SMU1: variants seen among roughly 807,000 people sequenced by gnomAD.
SMU1 encodes WD40 repeat-containing protein SMU1.
SMU1 carries 2 observed loss-of-function variants against 62.0 expected under a neutral mutation model. The ratio of observed to expected loss-of-function variants is 0.03; its 90% confidence interval spans 0.01 to 0.10. The LOEUF (loss-of-function observed/expected upper bound fraction) is 0.10. SMU1 is among the 10% of genes least tolerant of loss of function. The pLI, the probability that SMU1 is intolerant of heterozygous loss-of-function variation, is 1.00. For synonymous variants in SMU1, 188 were observed against 212.4 expected (o/e 0.89, Z 1.00); for missense variants, 227 against 622.1 (o/e 0.36, Z 6.76).
intron 3 of SMU1, among the ~76,000 whole-genome samples, chr9:33,069,703 G>C (rs7467224): frequency 0.19 from 29,480 of 152,208 alleles, 3,107 homozygotes; most frequent in Middle Eastern, 0.29. Context: ...TCGGGAGGCT[G>C]AGGCAGGAGA....
rs1448842802 is a variant in SMU1, at chr9:33,042,679, T to C, written c.*4614A>G. The C allele has an allele frequency of 6.6e-6, 1 of 152,204 alleles. No individual in the cohort carries two copies. The highest frequency in any genetic ancestry group is 1.9e-4 in the East Asian group (1 of 5,202). The allele number at this position is 152,204 out of a possible 1,614,324, so 9.4% of individuals were successfully genotyped here. ...AGGGATTCTGTATAACTCGGCTGGG[T>C]GTAGCCTAAGCATCAAAATGATTAT... On this transcript the variant is annotated 3_prime_UTR_variant, in exon 12 of 12. Transcript: ENST00000397149.
chr9:33,069,902 G>C (rs1839467961), intron 3 of SMU1, among the ~76,000 whole-genome samples: 1 of 152,170 alleles, frequency 6.6e-6, no homozygotes, highest in Non-Finnish European at 1.5e-5. Flanking sequence ...GAGGCGGGTG[G>C]ACTGCTTGAG....
intron 3 of SMU1, among the ~76,000 whole-genome samples, chr9:33,071,252 G>A (rs989516597): frequency 6.6e-6 from 1 of 152,152 alleles, no homozygotes; most frequent in African/African-American, 2.4e-5. Context: ...ATAAGGTTTA[G>A]GAAGAATGAA....
At chr9:33,060,262 T>C (rs1211612771) in intron 6 of SMU1, among the ~76,000 whole-genome samples, 1 of 152,120 alleles carries the variant, frequency 6.6e-6, no homozygotes, top group Non-Finnish European at 1.5e-5. Context: ...TAAGTGATCC[T>C]CCTGCCTCAG....
At chr9:33,074,373 A>C (rs1208819942) in intron 1 of SMU1, among the ~76,000 whole-genome samples, 1 of 151,878 alleles carries the variant, frequency 6.6e-6, no homozygotes, top group Non-Finnish European at 1.5e-5. Context: ...TTGATGTGGG[A>C]GGATCCCTTG....
At chr9:33,052,017 CAAA>C (rs1387016680) in intron 10 of SMU1, among the ~76,000 whole-genome samples, 1 of 68,586 alleles carries the variant, frequency 1.5e-5, no homozygotes, top group Admixed American at 1.6e-4. Flanking sequence ...AACTCCATCT[CAAA>C]AAAAAAAAAA....
intron 9 of SMU1, among the ~76,000 whole-genome samples, chr9:33,055,129 C>T (rs768281914): frequency 1.3e-5 from 2 of 152,122 alleles, no homozygotes; most frequent in Non-Finnish European, 2.9e-5. Context: ...CAATCATGAA[C>T]AGCAATTTCA....
chr9:33,044,716 T>G lies in SMU1; in HGVS notation c.*2577A>C, dbSNP rs1839165369. 1 of 152,256 alleles carries G rather than the reference T, an allele frequency of 6.6e-6. No homozygotes were observed. The highest frequency in any genetic ancestry group is 2.1e-4 in the South Asian group (1 of 4,834). The allele number at this position is 152,256 out of a possible 1,614,324, so 9.4% of individuals were successfully genotyped here. A position where few individuals can be genotyped will look rare whatever the true frequency, so the allele number is the denominator to read the frequency against. ...TACCTGGGAAAGGCAGATTTTCAACTTAGCGTTTACATGTTCACCCAGTGC... is the reference window on the plus strand; with the variant it reads ...TACCTGGGAAAGGCAGATTTTCAACGTAGCGTTTACATGTTCACCCAGTGC... On this transcript the variant is annotated 3_prime_UTR_variant, in exon 12 of 12. Transcript: ENST00000397149.
intron 10 of SMU1, among the ~76,000 whole-genome samples, chr9:33,052,393 C>G (rs928212071): frequency 1.3e-5 from 2 of 152,186 alleles, no homozygotes; most frequent in African/African-American, 4.8e-5. Flanking sequence ...AGCAGATGCA[C>G]TGGGCAGCTG....
intron 8 of SMU1, 21 bp downstream of exon 8, chr9:33,056,816 A>G: frequency 6.2e-7 from 1 of 1,608,578 alleles, no homozygotes; most frequent in South Asian, 1.1e-5. Context: ...AAGTGAGAGC[A>G]GTTTTGGGAT....
chr9:33,065,892 G>A (rs1045305385), intron 4 of SMU1, among the ~76,000 whole-genome samples: 2 of 152,246 alleles, frequency 1.3e-5, no homozygotes, highest in East Asian at 3.9e-4. Context: ...AATGAAAACT[G>A]GGGGCTTCAG....
At chr9:33,050,750 C>CG (rs1314804707) in intron 10 of SMU1, among the ~76,000 whole-genome samples, 1 of 151,206 alleles carries the variant, frequency 6.6e-6, no homozygotes, top group Non-Finnish European at 1.5e-5. Flanking sequence ...CGCTCGAACC[C>CG]GGGGGCCGGA....
intron 2 of SMU1, among the ~76,000 whole-genome samples, chr9:33,073,033 T>C (rs1339174459): frequency 1.3e-5 from 2 of 152,128 alleles, no homozygotes; most frequent in African/African-American, 4.8e-5. Context: ...CCTGGGCCCC[T>C]TGAATCACAC....
rs1314781338 is a variant in SMU1 at position 33,042,689 on chromosome 9, GCAT to G, written c.*4601_*4603del. ...TATAACTCGGCTGGGTGTAGCCTAA[GCAT>G]CAAAATGATTATGCGCAGCCAAGGT... On this transcript the variant is annotated 3_prime_UTR_variant, in exon 12 of 12. Coordinates refer to ENST00000397149, the MANE Select transcript of SMU1 (RefSeq NM_018225.3). 6.6e-6 allele frequency: 1 copy of G among 152,202 alleles called. No homozygotes were observed. Among genetic ancestry groups the G allele is most frequent in the Non-Finnish European group, 1.5e-5 (1 of 68,034 alleles). The allele number at this position is 152,202 out of a possible 1,614,324, so 9.4% of individuals were successfully genotyped here.
chr9:33,071,725 T>C lies in SMU1; in HGVS notation c.390+15A>G. ...AAAGTTAACAAAAAGTTCCTTTTCA[T>C]TACCACAGTCATACCTCACGAGGAT... On this transcript the variant is annotated intron_variant, in intron 3 of 11. Transcript: ENST00000397149. 6.3e-7 allele frequency: 1 copy of C among 1,588,592 alleles called. No homozygotes were observed. Among genetic ancestry groups the C allele is most frequent in the African/African-American group, 1.4e-5 (1 of 73,138 alleles).
chr9:33,075,320 T>C (rs1839533890), intron 1 of SMU1, among the ~76,000 whole-genome samples: 1 of 151,732 alleles, frequency 6.6e-6, no homozygotes, highest in Non-Finnish European at 1.5e-5. Context: ...GTGCTTGCAG[T>C]GAGCGGAGAT....
At chr9:33,073,932 TC>T in intron 1 of SMU1, 126 bp from the exon 2 acceptor site, 1 of 897,516 alleles carries the variant, frequency 1.1e-6, no homozygotes, top group Non-Finnish European at 1.7e-6. Flanking sequence ...AGTAAAATTT[TC>T]CAAAATCACA....
Position 33,047,159 on chromosome 9 carries a change from C to A in SMU1, c.*134G>T. On this transcript the variant is annotated 3_prime_UTR_variant, in exon 12 of 12. Coordinates refer to ENST00000397149, the MANE Select transcript of SMU1 (RefSeq NM_018225.3). ...TAGTTGCTACTTAAACATGAATTTT[C>A]ACAAAATTATTCTGTGACTAATTCA... The A allele has an allele frequency of 1.7e-6, 1 of 572,974 alleles. No individual in the cohort carries two copies. The highest frequency in any genetic ancestry group is 3.0e-6 in the Non-Finnish European group (1 of 329,536). 35.5% of individuals were successfully genotyped at this position (572,974 alleles called of 1,614,324 possible).
In SMU1 at chr9:33,060,495, T is replaced by G. The variant is rs546250452; in HGVS notation, c.720A>C (p.Val240=). 2.2e-5 allele frequency: 36 copies of G among 1,609,674 alleles called. No individual in the cohort carries two copies. Among genetic ancestry groups the G allele is most frequent in the Non-Finnish European group, 3.1e-5 (36 of 1,179,140 alleles). ...TGATTTTTCCAGTAGTAAAGTTCCATACTTCAATGAATCCATCAACAGACC... is the reference window on the plus strand; with the variant it reads ...TGATTTTTCCAGTAGTAAAGTTCCAGACTTCAATGAATCCATCAACAGACC... ...VTGSVDGFIE[V]WNFTTGKIRK... is the part of the protein sequence containing the mutation. Residue 240 remains valine, a synonymous_variant, in exon 6 of 12, where the codon GTA becomes GTC. Coordinates refer to ENST00000397149, the MANE Select transcript of SMU1 (RefSeq NM_018225.3).
Sources: allele counts gnomAD v4.1 joint callset (sites outside exome capture counted in the v4.1 genomes callset), GRCh38; gene constraint gnomAD v4.1.1; transcripts MANE v1.5; gene names NCBI Gene and HGNC (gene_info 2026-07-23, HGNC 2026-07-21).